The following ATRNL1 variants were observed in gnomAD, a reference collection of about 807,000 sequenced individuals.
ATRNL1 encodes the protein attractin like 1, also known as attractin-like protein 1.
Under a neutral mutation model 182.7 loss-of-function variants are expected in ATRNL1, and 95 were observed. The observed-to-expected ratio is 0.52, with a 90% confidence interval of 0.44 to 0.62. ATRNL1 has a LOEUF of 0.62. Ranked by LOEUF, ATRNL1 falls within the 20% of genes least tolerant of loss-of-function variation. The probability of loss-of-function intolerance (pLI) is 0.00; values close to 1 mark genes in which losing one functional copy is unlikely to be tolerated. For missense variants in ATRNL1, 1,471 were observed against 1,679.5 expected (o/e 0.88, Z 2.17); for synonymous variants, 576 against 568.3 (o/e 1.01, Z -0.19).
At position 115,299,121 on chromosome 10, in the gene ATRNL1, T is replaced by A. The variant is rs1355516636; in HGVS notation, c.2416-913T>A. 2.6e-5 allele frequency among the ~76,000 whole-genome samples: 4 copies of A among 151,932 alleles called. No homozygotes were observed. In the East Asian group the frequency reaches 7.7e-4, roughly 29 times the overall value. On this transcript the variant is annotated intron_variant, in intron 15 of 28. Coordinates refer to ENST00000355044, the MANE Select transcript of ATRNL1 (RefSeq NM_207303.4). Reference sequence around the variant, plus strand: ...GAACAATGTGGAGTTTTGACATCATTTCACATTGTAATATAATATTGGTAG... The same window carrying A: ...GAACAATGTGGAGTTTTGACATCATATCACATTGTAATATAATATTGGTAG...
intron 5 of ATRNL1, among the ~76,000 whole-genome samples, chr10:115,147,938 A>G (rs1185198547): frequency 6.6e-6 from 1 of 152,042 alleles, no homozygotes; most frequent in East Asian, 1.9e-4. Context: ...TTCTTTGGCT[A>G]TTGGCCTCTT....
chr10:115,656,946 A>C (rs1050809609), intron 26 of ATRNL1, among the ~76,000 whole-genome samples: 4 of 152,160 alleles, frequency 2.6e-5, no homozygotes, highest in African/African-American at 9.7e-5. Flanking sequence ...TTCAATGTTT[A>C]ATATTAGAAG....
intron 27 of ATRNL1, among the ~76,000 whole-genome samples, chr10:115,789,537 T>A (rs1000655044): frequency 1.1e-4 from 16 of 151,986 alleles, no homozygotes; most frequent in African/African-American, 3.9e-4. Context: ...ACTGCGGGGG[T>A]TGTGCGCAGA....
At chr10:115,894,302 T>C (rs1952153099) in intron 28 of ATRNL1, among the ~76,000 whole-genome samples, 1 of 152,216 alleles carries the variant, frequency 6.6e-6, no homozygotes, top group South Asian at 2.1e-4. Context: ...GTGTTCCGTC[T>C]TCCTAATTCC....
intron 21 of ATRNL1, among the ~76,000 whole-genome samples, chr10:115,441,214 G>A (rs1846662786): frequency 6.6e-6 from 1 of 151,874 alleles, no homozygotes; most frequent in East Asian, 1.9e-4. Context: ...AATTTCCTTA[G>A]CACACATATA....
At chr10:115,194,211 C>T (rs1782889143) in intron 8 of ATRNL1, among the ~76,000 whole-genome samples, 1 of 151,906 alleles carries the variant, frequency 6.6e-6, no homozygotes, top group African/African-American at 2.4e-5. Context: ...TCTATTTGGT[C>T]TGTAGTGCAG....
At chr10:115,380,091 A>G (rs1857912363) in intron 19 of ATRNL1, among the ~76,000 whole-genome samples, 1 of 152,132 alleles carries the variant, frequency 6.6e-6, no homozygotes, top group Admixed American at 6.5e-5. Context: ...CAGCCTCCCA[A>G]AGTGCTGGGA....
At chr10:115,677,201 A>G (rs1945891929) in intron 26 of ATRNL1, among the ~76,000 whole-genome samples, 1 of 152,138 alleles carries the variant, frequency 6.6e-6, no homozygotes, top group Non-Finnish European at 1.5e-5. Context: ...AAAGCTCTAA[A>G]TGCAAATATA....
At chr10:115,753,461 T>C (rs1340643462) in intron 27 of ATRNL1, among the ~76,000 whole-genome samples, 4 of 152,188 alleles carry the variant, frequency 2.6e-5, no homozygotes, top group Non-Finnish European at 5.9e-5. Context: ...TTGCTGAGAA[T>C]GATGGTTTCC....
chr10:115,558,923 G>T (rs183653900), intron 26 of ATRNL1, among the ~76,000 whole-genome samples: 1 of 152,170 alleles, frequency 6.6e-6, no homozygotes, highest in African/African-American at 2.4e-5. Flanking sequence ...CCCTTTTGCA[G>T]ATGCTATATT....
chr10:115,274,474 G>T (rs1852016562), intron 13 of ATRNL1, among the ~76,000 whole-genome samples: 1 of 152,166 alleles, frequency 6.6e-6, no homozygotes, highest in African/African-American at 2.4e-5. Context: ...GACCCCTAGA[G>T]ATTTCAGTGA....
chr10:115,695,127 TAAAAG>T (rs1946518177), intron 26 of ATRNL1, among the ~76,000 whole-genome samples: 1 of 151,988 alleles, frequency 6.6e-6, no homozygotes, highest in East Asian at 1.9e-4. Context: ...ACACATTTTT[TAAAAG>T]AAAAGAAAAA....
At chr10:115,297,359 C>T (rs1183119892) in intron 15 of ATRNL1, among the ~76,000 whole-genome samples, 3 of 151,944 alleles carry the variant, frequency 2.0e-5, no homozygotes, top group African/African-American at 7.2e-5. Context: ...GGACAATTAC[C>T]GTCCGGGCGT....
At chr10:115,187,064 A>G (rs1554888875) in intron 8 of ATRNL1, among the ~76,000 whole-genome samples, 1 of 152,142 alleles carries the variant, frequency 6.6e-6, no homozygotes, top group Non-Finnish European at 1.5e-5. Flanking sequence ...ACAATGATCT[A>G]TGATCTCTCC....
rs138783788 is a variant in ATRNL1, at chr10:115,304,430, G to C, written c.2818+2387G>C. 1.8e-3 allele frequency among the ~76,000 whole-genome samples: 270 copies of C among 152,256 alleles called. 1 individual carries two copies. The highest frequency in any genetic ancestry group is 6.2e-3 in the African/African-American group (258 of 41,544). ...AGGAACACCAGGGCTCTTGTCTCACGTTGAATTAGATTAAACAATACGGAC... is the reference window on the plus strand; with the variant it reads ...AGGAACACCAGGGCTCTTGTCTCACCTTGAATTAGATTAAACAATACGGAC... On this transcript the variant is annotated intron_variant, in intron 17 of 28. Coordinates refer to ENST00000355044, the MANE Select transcript of ATRNL1 (RefSeq NM_207303.4).
intron 19 of ATRNL1, among the ~76,000 whole-genome samples, chr10:115,375,685 T>A (rs1193839633): frequency 6.6e-6 from 1 of 152,066 alleles, no homozygotes; most frequent in African/African-American, 2.4e-5. Context: ...ATATTCTGAT[T>A]TAAGCTAATA....
chr10:115,750,608 G>T (rs1593167020), intron 27 of ATRNL1, among the ~76,000 whole-genome samples: 1 of 151,638 alleles, frequency 6.6e-6, no homozygotes, highest in East Asian at 1.9e-4. Context: ...GGCTAATAAA[G>T]GTGACAATAT....
intron 28 of ATRNL1, among the ~76,000 whole-genome samples, chr10:115,914,814 C>A (rs1952795756): frequency 6.6e-6 from 1 of 152,154 alleles, no homozygotes; most frequent in South Asian, 2.1e-4. Context: ...TTCTACTGTG[C>A]CCCTTCCTAG....
intron 26 of ATRNL1, among the ~76,000 whole-genome samples, chr10:115,688,659 GT>G (rs199775439): frequency 1.3e-5 from 2 of 151,716 alleles, no homozygotes; most frequent in South Asian, 2.1e-4. Flanking sequence ...TTTTAATGAG[GT>G]TTTTTTTGAA....
Sources: gnomAD v4.1 joint callset for allele counts (sites outside exome capture counted in the v4.1 genomes callset) on GRCh38, gnomAD v4.1.1 for gene constraint, MANE v1.5 for transcripts, NCBI Gene and HGNC (gene_info 2026-07-23, HGNC 2026-07-21) for gene names.